Variants in SLIT1 observed in about 807,000 individuals in gnomAD.
The protein encoded by SLIT1 is slit guidance ligand 1.
Under a neutral mutation model 186.1 loss-of-function variants are expected in SLIT1, and 66 were observed. The observed-to-expected ratio is 0.35, with a 90% CI of 0.29 to 0.44. The LOEUF is 0.44. Among genes scored for constraint, SLIT1 ranks in the 20% least tolerant of loss-of-function variants. The pLI, the probability that SLIT1 is intolerant of heterozygous loss-of-function variation, is 1.00. For synonymous variants in SLIT1, 761 were observed against 833.8 expected, an observed-to-expected ratio of 0.91 and a Z score of 1.50; for missense variants, 1,638 against 2,037.4, an observed-to-expected ratio of 0.80 and a Z score of 3.77.
chr10:97,095,084 A>T (rs1387580981), intron 4 of SLIT1, among the ~76,000 whole-genome samples: 3 of 152,184 alleles, frequency 2.0e-5, no homozygotes, highest in African/African-American at 7.2e-5. Context: ...GGAGTTCAAG[A>T]CCAGCCTGGC....
intron 30 of SLIT1, among the ~76,000 whole-genome samples, chr10:97,013,399 A>C (rs917142346): frequency 6.6e-6 from 1 of 152,170 alleles, no homozygotes; most frequent in Non-Finnish European, 1.5e-5. Context: ...CAGATGCCAG[A>C]CCGGGAGCTA....
intron 1 of SLIT1, among the ~76,000 whole-genome samples, chr10:97,172,934 G>GGAGAGA (rs72293609): frequency 6.8e-6 from 1 of 148,066 alleles, no homozygotes; most frequent in African/African-American, 2.5e-5. Context: ...AAGGAAGGAG[G>GGAGAGA]GAGAGAGAGA....
intron 36 of SLIT1, among the ~76,000 whole-genome samples, chr10:97,001,720 G>A (rs1306285669): frequency 6.6e-6 from 1 of 152,100 alleles, no homozygotes; most frequent in Non-Finnish European, 1.5e-5. Context: ...CTGAGTTCTG[G>A]GTTTCTCCAG....
At chr10:97,134,106 C>T (rs1390922417) in intron 4 of SLIT1, among the ~76,000 whole-genome samples, 1 of 152,160 alleles carries the variant, frequency 6.6e-6, no homozygotes, top group African/African-American at 2.4e-5. Flanking sequence ...AGATTCCTTG[C>T]AGGTCTTCTG....
intron 1 of SLIT1, among the ~76,000 whole-genome samples, chr10:97,174,552 G>A (rs1850232048): frequency 1.3e-5 from 2 of 152,226 alleles, no homozygotes; most frequent in Admixed American, 1.3e-4. Flanking sequence ...CAAGGAGGAG[G>A]AGGCAGGGAC....
At chr10:97,056,252 C>G in intron 13 of SLIT1, 69 bp downstream of exon 13, 1 of 1,560,534 alleles carries the variant, frequency 6.4e-7, no homozygotes, top group East Asian at 2.2e-5. Context: ...CTGCCTGTCC[C>G]TGGAGGCTGC....
chr10:97,056,518 A>ATGGG, intron 12 of SLIT1, 54 bp from the exon 13 acceptor site: 4 of 1,577,076 alleles, frequency 2.5e-6, no homozygotes, highest in Non-Finnish European at 3.5e-6. Flanking sequence ...CCTGAGACCC[A>ATGGG]TCTCAGGTCC....
At chr10:97,147,718 T>G (rs572849289) in intron 4 of SLIT1, among the ~76,000 whole-genome samples, 1 of 152,288 alleles carries the variant, frequency 6.6e-6, no homozygotes, top group South Asian at 2.1e-4. Context: ...CTCCATGGCT[T>G]CCTCTTCCTA....
In SLIT1 at chr10:97,059,480, G is replaced by A; in HGVS notation, c.1065C>T (p.Gly355=). 1 of 1,613,720 alleles carries A rather than the reference G, an allele frequency of 6.2e-7. No individual in the cohort carries two copies. ...IAEIAPDAFQ[G]LRSLNSLVLY... ...CTCACAGCGAGTTCAGGGAGCGGAG[G>A]CCCTGGAAGGCGTCGGGTGCAATCT... Residue 355 remains glycine (G), a synonymous_variant, in exon 11 of 37, where the codon GGC becomes GGT. Transcript: ENST00000266058.
chr10:97,033,043 TTTC>T (rs1848605697), intron 23 of SLIT1, among the ~76,000 whole-genome samples: 1 of 146,950 alleles, frequency 6.8e-6, no homozygotes, highest in African/African-American at 2.6e-5. Flanking sequence ...ACTCTTTTTC[TTTC>T]TTTCTTTTTT....
chr10:97,098,457 G>A lies in SLIT1; in HGVS notation c.414-32371C>T, dbSNP rs115500752. ...GACCTGGGAGACGTGAGGGCTTCTA[G>A]GGGTACGGTGAGGACTTGGCGAGGC... is the stretch of plus-strand genomic sequence containing the variant. On this transcript the variant is annotated intron_variant, in intron 4 of 36. Coordinates refer to ENST00000266058, the MANE Select transcript of SLIT1 (RefSeq NM_003061.3). Among the ~76,000 whole-genome samples, 1,080 of 152,328 alleles carry A rather than the reference G, an allele frequency of 7.1e-3. 12 individuals carry two copies. Among genetic ancestry groups the A allele is most frequent in the African/African-American group, 0.024 (1,011 of 41,578 alleles).
chr10:97,108,752 G>A (rs927469121), intron 4 of SLIT1, among the ~76,000 whole-genome samples: 1 of 152,148 alleles, frequency 6.6e-6, no homozygotes, highest in Non-Finnish European at 1.5e-5. Flanking sequence ...GCTGGGCATG[G>A]TGGCATGTGC....
chr10:97,084,794 A>G (rs1849140661), intron 4 of SLIT1, among the ~76,000 whole-genome samples: 1 of 151,592 alleles, frequency 6.6e-6, no homozygotes, highest in Non-Finnish European at 1.5e-5. Flanking sequence ...TTTAGTAGAG[A>G]CAGGGTTTTG....
At position 97,185,703 on chromosome 10, in the gene SLIT1, C is replaced by T. The variant is rs1353097443; in HGVS notation, c.-29G>A. The T allele has an allele frequency of 1.4e-6, 2 of 1,466,684 alleles. No homozygotes were observed. The highest frequency in any genetic ancestry group is 1.8e-6 in the Non-Finnish European group (2 of 1,117,392). The allele number at this position is 1,466,684 out of a possible 1,614,324, so 90.9% of individuals were successfully genotyped here. A position where few individuals can be genotyped will look rare whatever the true frequency, so the allele number is the denominator to read the frequency against. On this transcript the variant is annotated 5_prime_UTR_variant, in exon 1 of 37. Transcript: ENST00000266058. ...GCCCTCACAGCGTCCCGCTCGCGAGCCAGACGGCAGCAGCCGCTGACCATC... is the reference window on the plus strand; with the variant it reads ...GCCCTCACAGCGTCCCGCTCGCGAGTCAGACGGCAGCAGCCGCTGACCATC...
intron 1 of SLIT1, among the ~76,000 whole-genome samples, chr10:97,177,706 T>C (rs1437255092): frequency 4.6e-5 from 7 of 152,174 alleles, no homozygotes; most frequent in African/African-American, 1.7e-4. Flanking sequence ...CCGGGCGCGG[T>C]GGCTCACGCC....
At chr10:97,014,399 G>T (rs961084521) in intron 28 of SLIT1, among the ~76,000 whole-genome samples, 1 of 152,200 alleles carries the variant, frequency 6.6e-6, no homozygotes, top group African/African-American at 2.4e-5. Flanking sequence ...TGAGGACCAG[G>T]ATGGTGTAAG....
chr10:97,180,066 C>T (rs1045921735), intron 1 of SLIT1, among the ~76,000 whole-genome samples: 16 of 152,162 alleles, frequency 1.1e-4, no homozygotes, highest in African/African-American at 3.9e-4. Context: ...CAGCCTGGGC[C>T]ACCGACAGCC....
Position 97,157,838 on chromosome 10 carries a change from G to T in SLIT1, c.393C>A (p.Asn131Lys). 1 of 1,613,802 alleles carries T rather than the reference G, an allele frequency of 6.2e-7. No homozygotes were observed. Among genetic ancestry groups the T allele is most frequent in the Non-Finnish European group, 8.5e-7 (1 of 1,179,634 alleles). The change falls in exon 4 of 37, where the codon AAC becomes AAA. Residue 131 changes from asparagine to lysine, a missense_variant. Asn to Lys is a moderately conservative substitution (Grantham distance 94, BLOSUM62 0). Around this residue, in one of 3 missense-constraint regions of SLIT1, gnomAD observed 1,245 missense variants for 1,535.3 expected, o/e 0.81. Transcript: ENST00000266058. ...LHMLPELLFQNNQALSRLDLS... is the reference protein window; with the variant it reads ...LHMLPELLFQKNQALSRLDLS... ...CTCACAGTCTTGACAAAGCCTGGTT[G>T]TTCTGGAACAGCAGTTCCGGTAACA...
Position 97,021,176 on chromosome 10 carries a change from T to G in SLIT1, c.2746+74A>C. The G allele has an allele frequency of 6.9e-7, 1 of 1,452,870 alleles. No individual in the cohort carries two copies. Among genetic ancestry groups the G allele is most frequent in the African/African-American group, 1.4e-5 (1 of 71,446 alleles). 90.0% of individuals were successfully genotyped at this position (1,452,870 alleles called of 1,614,324 possible). Reference sequence around the variant, plus strand: ...AGCGGTCACCACAGGGACGCAGGCATGTTAGGAAGGCCCTGCAGTGTTGGG... The same window carrying G: ...AGCGGTCACCACAGGGACGCAGGCAGGTTAGGAAGGCCCTGCAGTGTTGGG... On this transcript the variant is annotated intron_variant, in intron 26 of 36. Transcript: ENST00000266058. The surrounding 1 kb of genome is among the most constrained non-coding windows in gnomAD (Gnocchi z 4.5).
Sources: gnomAD v4.1 joint callset for allele counts (sites outside exome capture counted in the v4.1 genomes callset) on GRCh38, gnomAD v4.1.1 for gene constraint, gnomAD v4.1.1 regional missense constraint, Gnocchi (gnomAD v3.1) non-coding constraint, MANE v1.5 for transcripts, NCBI Gene and HGNC (gene_info 2026-07-23, HGNC 2026-07-21) for gene names.